CACNA1D: variants seen among roughly 807,000 people sequenced by gnomAD.
CACNA1D encodes voltage-dependent L-type calcium channel subunit alpha-1D.
Under a neutral mutation model 257.1 loss-of-function variants are expected in CACNA1D, and 55 were observed. The observed-to-expected ratio is 0.21, with a 90% confidence interval of 0.17 to 0.27. The LOEUF (loss-of-function observed/expected upper bound fraction) is 0.27, where lower values mean the gene tolerates loss of function less well. Ranked by LOEUF, CACNA1D falls within the 10% of genes least tolerant of loss-of-function variation. CACNA1D has a pLI of 1.00. For missense variants in CACNA1D, 1,876 were observed against 2,784.0 expected (o/e 0.67, Z 7.34); for synonymous variants, 980 against 1,014.9 (o/e 0.97, Z 0.65).
intron 3 of CACNA1D, among the ~76,000 whole-genome samples, chr3:53,646,478 C>T (rs1485728824): frequency 1.3e-5 from 2 of 152,170 alleles, no homozygotes; most frequent in Non-Finnish European, 2.9e-5. Flanking sequence ...TTATTCCTTT[C>T]GGTTTTTTTC....
At chr3:53,693,471 T>A (rs1023618899) in intron 8 of CACNA1D, among the ~76,000 whole-genome samples, 182 of 152,242 alleles carry the variant, frequency 1.2e-3, no homozygotes, top group African/African-American at 4.3e-3. Flanking sequence ...ATTTTTTTTT[T>A]TTTTTTTTAC....
At chr3:53,744,697 T>G (rs764224905) in intron 22 of CACNA1D, 43 bp from the exon 23 acceptor site, 2 of 1,059,624 alleles carry the variant, frequency 1.9e-6, no homozygotes, top group Non-Finnish European at 3.0e-6. Flanking sequence ...ATCCTGTCCA[T>G]TTATAACACG....
intron 19 of CACNA1D, 124 bp downstream of exon 19, chr3:53,733,086 C>T: frequency 1.1e-6 from 1 of 902,994 alleles, no homozygotes; most frequent in South Asian, 1.5e-5. Flanking sequence ...CTGAGTGTCC[C>T]TGGCGCCCTC....
At chr3:53,802,275 C>A in intron 43 of CACNA1D, 102 bp downstream of exon 43, 1 of 976,268 alleles carries the variant, frequency 1.0e-6, no homozygotes, top group Non-Finnish European at 1.7e-6. Flanking sequence ...TTGAGCCAGC[C>A]TATTAAAGGT....
chr3:53,529,530 T>C (rs769722896), intron 3 of CACNA1D, among the ~76,000 whole-genome samples: 2 of 152,190 alleles, frequency 1.3e-5, no homozygotes, highest in African/African-American at 2.4e-5. Context: ...TGAGAAATAG[T>C]GTGGTACCAG....
At chr3:53,806,677 A>G (rs1361632913) in intron 45 of CACNA1D, among the ~76,000 whole-genome samples, 1 of 152,202 alleles carries the variant, frequency 6.6e-6, no homozygotes, top group African/African-American at 2.4e-5. Context: ...TGCATATACT[A>G]TAAAGAGCAC....
intron 8 of CACNA1D, 45 bp from the exon 9 acceptor site, chr3:53,702,596 C>T: frequency 6.2e-7 from 1 of 1,600,878 alleles, no homozygotes; most frequent in Non-Finnish European, 8.5e-7. Flanking sequence ...GATGCAGGTC[C>T]CCAAGGATGT....
intron 19 of CACNA1D, 87 bp downstream of exon 19, chr3:53,733,049 G>A: frequency 7.2e-7 from 1 of 1,386,416 alleles, no homozygotes; most frequent in African/African-American, 1.4e-5. Context: ...GGGGGTGAGG[G>A]GAAGTGGTTC....
At chr3:53,697,191 G>A (rs1289945419) in intron 8 of CACNA1D, among the ~76,000 whole-genome samples, 1 of 152,242 alleles carries the variant, frequency 6.6e-6, no homozygotes, top group Non-Finnish European at 1.5e-5. Flanking sequence ...AAAATGGCGA[G>A]CTGGCCGTGG....
chr3:53,505,127 T>TTTTTTTTTTTTTG (rs2090778787), intron 3 of CACNA1D, among the ~76,000 whole-genome samples: 1 of 147,666 alleles, frequency 6.8e-6, no homozygotes, highest in Non-Finnish European at 1.5e-5. Flanking sequence ...TTTTTTTTTT[T>TTTTTTTTTTTTTG]TTTTTTTTTG....
chr3:53,618,596 G>T lies in CACNA1D; in HGVS notation c.484-32183G>T, dbSNP rs182466166. On this transcript the variant is annotated intron_variant, in intron 3 of 47. Transcript: ENST00000350061. The stretch of plus-strand genomic sequence containing the variant: ...TACAGCCAGAACCCACCCGCTTCTG[G>T]TTTTCCATGTGGACCATTTATTGCA... 2.8e-3 allele frequency among the ~76,000 whole-genome samples: 431 copies of T among 152,296 alleles called. 3 individuals carry two copies. The highest frequency in any genetic ancestry group is 0.02 in the Middle Eastern group (6 of 294).
chr3:53,567,456 T>C (rs1559852433), intron 3 of CACNA1D, among the ~76,000 whole-genome samples: 1 of 152,230 alleles, frequency 6.6e-6, no homozygotes, highest in African/African-American at 2.4e-5. Context: ...AAGTCTCTTC[T>C]GAGTAAATTA....
intron 20 of CACNA1D, among the ~76,000 whole-genome samples, chr3:53,736,728 T>C (rs1215839290): frequency 6.6e-6 from 1 of 151,790 alleles, no homozygotes. Context: ...CCCATCTATA[T>C]AAAAATTTAA....
chr3:53,813,128 A>AC lies in CACNA1D; in HGVS notation c.*1722_*1723insC, dbSNP rs2095607867. On this transcript the variant is annotated 3_prime_UTR_variant, in exon 48 of 48. Transcript: ENST00000350061. ...TTTAATAGTATACAGACAACCTGTT[A>AC]ATTTTTTTTTTTTTTTTTTTTTTTG... is the stretch of plus-strand genomic sequence containing the variant. 1.1e-5 allele frequency: 1 copy of AC among 92,116 alleles called. No individual in the cohort carries two copies. Among genetic ancestry groups the AC allele is most frequent in the Non-Finnish European group, 2.0e-5 (1 of 50,304 alleles). 5.7% of individuals were successfully genotyped at this position (92,116 alleles called of 1,614,324 possible). A position where few individuals can be genotyped will look rare whatever the true frequency, so the allele number is the denominator to read the frequency against.
intron 17 of CACNA1D, among the ~76,000 whole-genome samples, chr3:53,731,593 C>A (rs1009672991): frequency 6.6e-6 from 1 of 152,196 alleles, no homozygotes; most frequent in Admixed American, 6.5e-5. Flanking sequence ...TGTTCTTTCT[C>A]TGTTCATCGA....
intron 26 of CACNA1D, among the ~76,000 whole-genome samples, chr3:53,748,428 G>C (rs1027617934): frequency 2.0e-5 from 3 of 152,156 alleles, no homozygotes; most frequent in Admixed American, 6.5e-5. Flanking sequence ...TGTTCATTAG[G>C]GATTTAATCC....
rs578009176 is a variant in CACNA1D, at chr3:53,774,915, A to C, written c.4202+237A>C. 3.3e-5 allele frequency among the ~76,000 whole-genome samples: 5 copies of C among 152,216 alleles called. No homozygotes were observed. The highest frequency in any genetic ancestry group is 5.9e-5 in the Non-Finnish European group (4 of 68,044). Reference sequence around the variant, plus strand: ...CCCGATTGTGGCTGGCATAAGGTTTATTCATTTGGGAGTTAGTAGGGCTAC... The same window carrying C: ...CCCGATTGTGGCTGGCATAAGGTTTCTTCATTTGGGAGTTAGTAGGGCTAC... On this transcript the variant is annotated intron_variant, in intron 34 of 47. Transcript: ENST00000350061. This position sits in a 1 kb window ranked among gnomAD's most constrained non-coding sequence, Gnocchi z 4.3.
rs767227421 is a variant in CACNA1D, at chr3:53,751,723, GT to G, written c.3517-23del. On this transcript the variant is annotated intron_variant, in intron 27 of 47. Coordinates refer to ENST00000350061, the MANE Select transcript of CACNA1D (RefSeq NM_001128840.3). The surrounding 1 kb of genome is among the most constrained non-coding windows in gnomAD (Gnocchi z 4.3). ...CTTCCCTGCAAGTGCTCAGAACCCC[GT>G]TTCTGCCCTTTTCTGCTGTTGCAGC... 1 of 1,614,042 alleles carries G rather than the reference GT, an allele frequency of 6.2e-7. No individual in the cohort carries two copies. Among genetic ancestry groups the G allele is most frequent in the East Asian group, 2.2e-5 (1 of 44,890 alleles).
chr3:53,754,262 C>T (rs758567981), intron 29 of CACNA1D, among the ~76,000 whole-genome samples: 1 of 152,154 alleles, frequency 6.6e-6, no homozygotes, highest in Non-Finnish European at 1.5e-5. Flanking sequence ...CAACTGTGCT[C>T]GACGACTCAG....
Sources: allele counts gnomAD v4.1 joint callset (sites outside exome capture counted in the v4.1 genomes callset), GRCh38; gene constraint gnomAD v4.1.1; non-coding constraint Gnocchi (gnomAD v3.1); transcripts MANE v1.5; gene names NCBI Gene and HGNC (gene_info 2026-07-23, HGNC 2026-07-21).